Variants in BLTP1 observed in about 807,000 individuals in gnomAD.
BLTP1 encodes the protein bridge-like lipid transfer protein family member 1, also known as fragile site-associated protein.
the BLTP1 span, chr4:122,244,121 T>A: frequency 7.6e-7 from 1 of 1,315,948 alleles, no homozygotes; most frequent in South Asian, 2.0e-5. Context: ...TAGAAGATTG[T>A]TGATAGTTAT....
the BLTP1 span, among the ~76,000 whole-genome samples, chr4:122,262,319 C>G: frequency 6.6e-6 from 1 of 152,042 alleles, no homozygotes; most frequent in Non-Finnish European, 1.5e-5. Context: ...TATGAATGTT[C>G]TCTGGCACTT....
the BLTP1 span, chr4:122,194,716 T>C: frequency 1.2e-6 from 1 of 826,200 alleles, no homozygotes; most frequent in Non-Finnish European, 1.5e-6. Context: ...TAAACTGTAT[T>C]TAATTTCATT....
the BLTP1 span, chr4:122,175,326 TA>T: frequency 2.2e-6 from 2 of 909,060 alleles, no homozygotes; most frequent in Non-Finnish European, 2.6e-6. Context: ...TCAGAGACTG[TA>T]AGTTCATCCT....
the BLTP1 span, chr4:122,175,918 A>C: frequency 7.4e-7 from 1 of 1,344,354 alleles, no homozygotes; most frequent in Non-Finnish European, 1.1e-6. Context: ...CAACATGGTG[A>C]GTTTTCATTT....
At chr4:122,230,099 G>A in the BLTP1 span, 1 of 1,613,936 alleles carries the variant, frequency 6.2e-7, no homozygotes, top group African/African-American at 1.3e-5. Flanking sequence ...GCTTGAAGCT[G>A]GGTCAGCCAA....
the BLTP1 span, chr4:122,318,339 G>C: frequency 8.4e-7 from 1 of 1,187,470 alleles, no homozygotes; most frequent in Non-Finnish European, 1.2e-6. Flanking sequence ...TATCTACTGC[G>C]TACCAGGTAC....
the BLTP1 span, chr4:122,208,661 T>C: frequency 3.1e-6 from 3 of 983,594 alleles, no homozygotes; most frequent in Non-Finnish European, 2.4e-6. Flanking sequence ...TGCTGTTTCT[T>C]TCCCTGATTA....
the BLTP1 span, chr4:122,336,551 A>C: frequency 1.4e-6 from 1 of 709,778 alleles, no homozygotes; most frequent in Non-Finnish European, 1.7e-6. Context: ...GTGAGGTTAC[A>C]TAACTTTCCC....
the BLTP1 span, chr4:122,174,763 A>G: frequency 1.3e-5 from 11 of 879,352 alleles, no homozygotes; most frequent in Non-Finnish European, 1.5e-5. Context: ...AAATAAAACT[A>G]AATCAAATTT....
chr4:122,204,199 GTGCAAGTGCAAAA>G, the BLTP1 span, among the ~76,000 whole-genome samples: 1 of 151,860 alleles, frequency 6.6e-6, no homozygotes, highest in African/African-American at 2.4e-5. Flanking sequence ...TGTATATTGA[GTGCAAGTGCAAAA>G]TGCAAGTGTG....
chr4:122,248,860 G>A, the BLTP1 span, among the ~76,000 whole-genome samples: 2 of 152,006 alleles, frequency 1.3e-5, no homozygotes, highest in South Asian at 4.2e-4. Context: ...ATATAAACAA[G>A]TTCTCCTTGA....
chr4:122,257,404 CCATGAA>C, the BLTP1 span: 1 of 1,613,752 alleles, frequency 6.2e-7, no homozygotes. Flanking sequence ...TAGCTATGGA[CCATGAA>C]CATGAAGATG....
the BLTP1 span, among the ~76,000 whole-genome samples, chr4:122,210,647 T>C: frequency 1.3e-5 from 2 of 152,178 alleles, no homozygotes; most frequent in Admixed American, 6.5e-5. Flanking sequence ...AAAGTTTTCA[T>C]TGATTCTCTG....
At chr4:122,172,007 A>G in the BLTP1 span, 1 of 829,908 alleles carries the variant, frequency 1.2e-6, no homozygotes. Flanking sequence ...TATAGTAAAA[A>G]TTTATACAAA....
chr4:122,159,921 T>A, the BLTP1 span, among the ~76,000 whole-genome samples: 1 of 152,186 alleles, frequency 6.6e-6, no homozygotes, highest in African/African-American at 2.4e-5. Flanking sequence ...ACAGGTGAAA[T>A]TGTGTTTGTT....
chr4:122,293,699 A>ATCCCT, the BLTP1 span, among the ~76,000 whole-genome samples: 1 of 152,114 alleles, frequency 6.6e-6, no homozygotes, highest in Admixed American at 6.5e-5. Context: ...CCTAGGAAGG[A>ATCCCT]GGCTGAATCC....
At chr4:122,231,329 G>A in the BLTP1 span, among the ~76,000 whole-genome samples, 3 of 152,180 alleles carry the variant, frequency 2.0e-5, no homozygotes, top group Admixed American at 6.5e-5. Context: ...TCTGATAAGT[G>A]AAAGGTGGCA....
chr4:122,227,479 G>A, the BLTP1 span: 259 of 985,284 alleles, frequency 2.6e-4, no homozygotes, highest in Non-Finnish European at 3.0e-4. Context: ...TGGAAGCATG[G>A]TTATTTCAGA....
the BLTP1 span, chr4:122,210,820 A>C: frequency 1.3e-6 from 2 of 1,561,050 alleles, no homozygotes; most frequent in Non-Finnish European, 1.7e-6. Context: ...TTCCTTGAAG[A>C]TCTTCCAAGA....
Sources: gnomAD v4.1 joint callset for allele counts (sites outside exome capture counted in the v4.1 genomes callset) on GRCh38, gnomAD v4.1.1 for gene constraint, MANE v1.5 for transcripts, NCBI Gene and HGNC (gene_info 2026-07-23, HGNC 2026-07-21) for gene names.